CENPW: variants seen among roughly 807,000 people sequenced by gnomAD.
CENPW encodes the protein cancer-up-regulated gene 2 protein.
In CENPW, 3 loss-of-function variants were observed where a neutral mutation model predicts 11.1. The ratio of observed to expected loss-of-function variants is 0.27; its 90% CI spans 0.12 to 0.70. The LOEUF (loss-of-function observed/expected upper bound fraction) is 0.70. Among genes scored for constraint, CENPW ranks in the 30% least tolerant of loss-of-function variants. The pLI, the probability that CENPW is intolerant of heterozygous loss-of-function variation, is 0.77. For missense variants in CENPW, 100 were observed against 105.6 expected, an observed-to-expected ratio of 0.95 and a Z score of 0.23; for synonymous variants, 38 against 42.0, an observed-to-expected ratio of 0.91 and a Z score of 0.37.
the CENPW span, among the ~76,000 whole-genome samples, chr6:126,406,072 A>G: frequency 6.6e-6 from 1 of 152,162 alleles, no homozygotes; most frequent in Non-Finnish European, 1.5e-5. Context: ...CTTATTCAGC[A>G]TAACGTTAGC....
chr6:126,468,189 G>A, the CENPW span, among the ~76,000 whole-genome samples: 4 of 151,820 alleles, frequency 2.6e-5, no homozygotes, highest in Non-Finnish European at 5.9e-5. Flanking sequence ...GGAGGCTGAC[G>A]GGGGGCAGAT....
chr6:126,425,628 T>C, the CENPW span, among the ~76,000 whole-genome samples: 1 of 152,072 alleles, frequency 6.6e-6, no homozygotes, highest in African/African-American at 2.4e-5. Flanking sequence ...ATCCCTTTTT[T>C]ATTAGAGAGA....
At chr6:126,421,734 CAGTCAA>C in the CENPW span, among the ~76,000 whole-genome samples, 1 of 152,052 alleles carries the variant, frequency 6.6e-6, no homozygotes, top group East Asian at 1.9e-4. Flanking sequence ...GCATCTCTAT[CAGTCAA>C]AGATTGTAGC....
At chr6:126,416,258 T>A in the CENPW span, among the ~76,000 whole-genome samples, 1 of 152,128 alleles carries the variant, frequency 6.6e-6, no homozygotes, top group Non-Finnish European at 1.5e-5. Flanking sequence ...ATTTAGGGTA[T>A]CTGGTGGAAG....
the CENPW span, among the ~76,000 whole-genome samples, chr6:126,420,827 T>C: frequency 1.3e-5 from 2 of 152,164 alleles, no homozygotes; most frequent in African/African-American, 4.8e-5. Context: ...ATCACCATGG[T>C]TGAAGGCCAG....
the CENPW span, among the ~76,000 whole-genome samples, chr6:126,453,238 C>T: frequency 2.0e-5 from 3 of 150,944 alleles, no homozygotes; most frequent in East Asian, 2.0e-4. Flanking sequence ...AGGAGATGAC[C>T]ATCCCCCAGA....
the CENPW span, among the ~76,000 whole-genome samples, chr6:126,476,362 A>T: frequency 6.6e-6 from 1 of 151,980 alleles, no homozygotes; most frequent in Non-Finnish European, 1.5e-5. Context: ...CTACTGAAAA[A>T]TTTTTAAGTA....
chr6:126,350,024 G>A (rs1404778822), downstream of CENPW, among the ~76,000 whole-genome samples: 2 of 151,912 alleles, frequency 1.3e-5, no homozygotes, highest in African/African-American at 4.8e-5. Context: ...GCTGTGTTCG[G>A]TTGGCTCAGG....
chr6:126,465,144 G>A, the CENPW span, among the ~76,000 whole-genome samples: 1 of 152,060 alleles, frequency 6.6e-6, no homozygotes, highest in East Asian at 1.9e-4. Context: ...GAAATAATGA[G>A]CTTAGCAATG....
At chr6:126,404,869 T>G in the CENPW span, among the ~76,000 whole-genome samples, 46 of 141,310 alleles carry the variant, frequency 3.3e-4, no homozygotes, top group East Asian at 1.2e-3. Flanking sequence ...TTTTTTTTTT[T>G]GGGTTACTGA....
chr6:126,421,744 T>G, the CENPW span, among the ~76,000 whole-genome samples: 2 of 152,114 alleles, frequency 1.3e-5, no homozygotes, highest in Non-Finnish European at 2.9e-5. Context: ...CAGTCAAAGA[T>G]TGTAGCCGAA....
At chr6:126,404,881 T>A in the CENPW span, among the ~76,000 whole-genome samples, 1 of 150,964 alleles carries the variant, frequency 6.6e-6, no homozygotes, top group African/African-American at 2.4e-5. Flanking sequence ...GGTTACTGAG[T>A]TGTATTTCTT....
the CENPW span, among the ~76,000 whole-genome samples, chr6:126,428,804 A>G: frequency 6.6e-6 from 1 of 152,192 alleles, no homozygotes; most frequent in Non-Finnish European, 1.5e-5. Flanking sequence ...AGTTGGATAC[A>G]TAATTTTTCT....
chr6:126,442,889 G>A, the CENPW span, among the ~76,000 whole-genome samples: 23 of 151,012 alleles, frequency 1.5e-4, no homozygotes, highest in African/African-American at 5.3e-4. Flanking sequence ...ACTAGACCTC[G>A]TTTGACATAC....
chr6:126,460,193 CA>C, the CENPW span, among the ~76,000 whole-genome samples: 6 of 151,568 alleles, frequency 4.0e-5, no homozygotes, highest in South Asian at 4.1e-4. Flanking sequence ...CAATTTGGAT[CA>C]GGGGGTGAGG....
At chr6:126,361,989 G>A in the CENPW span, among the ~76,000 whole-genome samples, 9 of 152,154 alleles carry the variant, frequency 5.9e-5, no homozygotes, top group Non-Finnish European at 1.2e-4. Context: ...GATACAAAGT[G>A]CTCTCAGGAA....
chr6:126,422,952 T>G, the CENPW span, among the ~76,000 whole-genome samples: 1 of 152,282 alleles, frequency 6.6e-6, no homozygotes, highest in East Asian at 1.9e-4. Context: ...TGAATTGTTT[T>G]CCCAAGGTTC....
At chr6:126,446,496 C>A in the CENPW span, among the ~76,000 whole-genome samples, 1 of 151,066 alleles carries the variant, frequency 6.6e-6, no homozygotes, top group Non-Finnish European at 1.5e-5. Flanking sequence ...CAAGTTGAAA[C>A]AAACCAGAAA....
chr6:126,472,031 A>G, the CENPW span, among the ~76,000 whole-genome samples: 1 of 152,118 alleles, frequency 6.6e-6, no homozygotes, highest in Non-Finnish European at 1.5e-5. Flanking sequence ...AATTTTTTCA[A>G]ATGTGCACAA....
Sources: allele counts gnomAD v4.1 joint callset (sites outside exome capture counted in the v4.1 genomes callset), GRCh38; gene constraint gnomAD v4.1.1; transcripts MANE v1.5; gene names NCBI Gene and HGNC (gene_info 2026-07-23, HGNC 2026-07-21).